Variants in SEMA3C observed in about 807,000 individuals in gnomAD.
SEMA3C encodes semaphorin-3C.
In SEMA3C, 47 loss-of-function variants were observed where a neutral mutation model predicts 89.4. The ratio of observed to expected loss-of-function variants is 0.53; its 90% confidence interval spans 0.42 to 0.67. The LOEUF (loss-of-function observed/expected upper bound fraction) is 0.67. Ranked by LOEUF, SEMA3C falls within the 30% of genes least tolerant of loss-of-function variation. The pLI is 0.00. For synonymous variants in SEMA3C, 310 were observed against 320.2 expected (o/e 0.97, Z 0.34); for missense variants, 839 against 929.1 (o/e 0.90, Z 1.26).
chr7:80,819,417 A>G (rs1349944977), intron 4 of SEMA3C, among the ~76,000 whole-genome samples: 1 of 152,184 alleles, frequency 6.6e-6, no homozygotes, highest in Non-Finnish European at 1.5e-5. Context: ...TTTTTCCTTA[A>G]GTTTTCCTTA....
chr7:80,864,071 A>C (rs1790867986), intron 2 of SEMA3C, among the ~76,000 whole-genome samples: 1 of 151,998 alleles, frequency 6.6e-6, no homozygotes, highest in African/African-American at 2.4e-5. Context: ...CATAAAAACG[A>C]ATGAATTAAC....
intron 2 of SEMA3C, among the ~76,000 whole-genome samples, chr7:80,854,016 G>A (rs912652569): frequency 2.6e-5 from 4 of 151,706 alleles, no homozygotes; most frequent in African/African-American, 9.7e-5. Context: ...AAGAAACAAA[G>A]TTATTGTTAT....
At chr7:80,815,324 C>A (rs909149842) in intron 5 of SEMA3C, among the ~76,000 whole-genome samples, 15 of 151,800 alleles carry the variant, frequency 9.9e-5, no homozygotes, top group African/African-American at 3.1e-4. Context: ...AATTTGGTCA[C>A]TGAGGAATCT....
At chr7:80,765,828 T>C (rs539892057) in intron 12 of SEMA3C, among the ~76,000 whole-genome samples, 6 of 152,196 alleles carry the variant, frequency 3.9e-5, no homozygotes, top group African/African-American at 1.4e-4. Flanking sequence ...GCGCCCACCT[T>C]GGCCTCCCAA....
chr7:80,824,278 A>AT (rs757719755), intron 4 of SEMA3C, among the ~76,000 whole-genome samples: 10 of 152,080 alleles, frequency 6.6e-5, no homozygotes, highest in Non-Finnish European at 8.8e-5. Context: ...ATACTTCTAA[A>AT]ATATATATAT....
intron 2 of SEMA3C, among the ~76,000 whole-genome samples, chr7:80,837,231 G>A (rs1028198205): frequency 6.6e-6 from 1 of 152,160 alleles, no homozygotes; most frequent in East Asian, 1.9e-4. Flanking sequence ...GCCAACAACT[G>A]TTCAAGAAGA....
At chr7:80,766,136 C>T (rs1788296827) in intron 12 of SEMA3C, among the ~76,000 whole-genome samples, 1 of 152,178 alleles carries the variant, frequency 6.6e-6, no homozygotes, top group Non-Finnish European at 1.5e-5. Context: ...AGAAACACAA[C>T]TGATTTTATT....
intron 9 of SEMA3C, among the ~76,000 whole-genome samples, chr7:80,802,299 C>T (rs1789227415): frequency 6.6e-6 from 1 of 152,002 alleles, no homozygotes; most frequent in Admixed American, 6.6e-5. Flanking sequence ...AAATATATAG[C>T]TGTATTTTCA....
At chr7:80,893,544 TA>T (rs1288477804) in intron 2 of SEMA3C, among the ~76,000 whole-genome samples, 3 of 152,178 alleles carry the variant, frequency 2.0e-5, no homozygotes, top group African/African-American at 7.2e-5. Context: ...TATGGGATTG[TA>T]AGTTCATGGC....
intron 2 of SEMA3C, among the ~76,000 whole-genome samples, chr7:80,829,675 T>C (rs1789965232): frequency 6.6e-6 from 1 of 152,174 alleles, no homozygotes; most frequent in South Asian, 2.1e-4. Context: ...CAGAGGTTAG[T>C]GACTCACACT....
intron 15 of SEMA3C, among the ~76,000 whole-genome samples, chr7:80,754,189 G>A (rs368067140): frequency 1.3e-5 from 2 of 152,188 alleles, no homozygotes; most frequent in African/African-American, 2.4e-5. Context: ...CGCCTGCCTC[G>A]GCCTCGCAAA....
At chr7:80,758,587 C>A in intron 14 of SEMA3C, 99 bp from the exon 15 acceptor site, 1 of 1,180,066 alleles carries the variant, frequency 8.5e-7, no homozygotes, top group East Asian at 2.4e-5. Context: ...CCCTTGGATT[C>A]ATTTTGGAAC....
intron 2 of SEMA3C, among the ~76,000 whole-genome samples, chr7:80,902,660 G>C (rs937225341): frequency 6.6e-6 from 1 of 152,148 alleles, no homozygotes; most frequent in African/African-American, 2.4e-5. Context: ...ATGTCGTCAT[G>C]ATATCACAAC....
At position 80,743,720 on chromosome 7, in the gene SEMA3C, A is replaced by T. The variant is rs971501743; in HGVS notation, c.*1174T>A. 6.6e-6 allele frequency: 1 copy of T among 151,988 alleles called. No homozygotes were observed. Among genetic ancestry groups the T allele is most frequent in the Non-Finnish European group, 1.5e-5 (1 of 67,866 alleles). The allele number at this position is 151,988 out of a possible 1,614,324, so 9.4% of individuals were successfully genotyped here. A position where few individuals can be genotyped will look rare whatever the true frequency, so the allele number is the denominator to read the frequency against. On this transcript the variant is annotated 3_prime_UTR_variant, in exon 18 of 18. Transcript: ENST00000265361. Reference sequence around the variant, plus strand: ...TCATCACAAAATTTACTACTTTTACACTTAGAGACCAGTGAACGTATGTAC... The same window carrying T: ...TCATCACAAAATTTACTACTTTTACTCTTAGAGACCAGTGAACGTATGTAC...
chr7:80,895,105 C>T (rs556134682), intron 2 of SEMA3C, among the ~76,000 whole-genome samples: 14 of 152,282 alleles, frequency 9.2e-5, no homozygotes, highest in East Asian at 3.9e-4. Flanking sequence ...TGAGCATGCA[C>T]GCGCATGTAC....
At chr7:80,865,688 G>C (rs917688914) in intron 2 of SEMA3C, among the ~76,000 whole-genome samples, 5 of 152,070 alleles carry the variant, frequency 3.3e-5, no homozygotes, top group Non-Finnish European at 7.4e-5. Context: ...TCAGCTATTC[G>C]GGAGGCTGAG....
intron 2 of SEMA3C, among the ~76,000 whole-genome samples, chr7:80,903,243 G>A (rs1195411041): frequency 2.0e-5 from 3 of 152,094 alleles, no homozygotes; most frequent in Non-Finnish European, 4.4e-5. Context: ...ATAGCCTACT[G>A]CTCCTCAGTA....
Position 80,748,880 on chromosome 7 carries a change from C to T in SEMA3C, c.1842+18G>A, listed in dbSNP as rs767373497. On this transcript the variant is annotated intron_variant, in intron 17 of 17. Coordinates refer to ENST00000265361, the MANE Select transcript of SEMA3C (RefSeq NM_006379.5). Reference sequence around the variant, plus strand: ...TCTCTGAAGCCCTGATGGATTGCTGCTGTGCTGCTTTACTCACCTCTTTCC... The same window carrying T: ...TCTCTGAAGCCCTGATGGATTGCTGTTGTGCTGCTTTACTCACCTCTTTCC... 6 of 1,600,632 alleles carry T rather than the reference C, an allele frequency of 3.7e-6. No individual in the cohort carries two copies. In the South Asian group the frequency reaches 5.7e-5, roughly 15 times the overall value.
intron 13 of SEMA3C, among the ~76,000 whole-genome samples, chr7:80,762,095 A>T (rs1390526306): frequency 6.7e-6 from 1 of 149,908 alleles, no homozygotes; most frequent in Non-Finnish European, 1.5e-5. Context: ...GTCTCAATAA[A>T]AAAAAAAAAA....
Sources: allele counts gnomAD v4.1 joint callset (sites outside exome capture counted in the v4.1 genomes callset), GRCh38; gene constraint gnomAD v4.1.1; transcripts MANE v1.5; gene names NCBI Gene and HGNC (gene_info 2026-07-23, HGNC 2026-07-21).